The following KIAA2012 variants were observed in gnomAD, a reference collection of about 807,000 sequenced individuals.
The protein encoded by KIAA2012 is KIAA2012.
Under a neutral mutation model 150.6 loss-of-function variants are expected in KIAA2012, and 125 were observed. That is an observed-to-expected ratio of 0.83 (90% CI 0.72 to 0.96). The LOEUF (loss-of-function observed/expected upper bound fraction) is 0.96, where lower values mean the gene tolerates loss of function less well. KIAA2012 is among the 40% of genes least tolerant of loss of function. The probability of loss-of-function intolerance (pLI) is 0.00; values close to 1 mark genes in which losing one functional copy is unlikely to be tolerated. For missense variants in KIAA2012, 1,219 were observed against 1,354.9 expected, an observed-to-expected ratio of 0.90 and a Z score of 1.57; for synonymous variants, 462 against 504.7, an observed-to-expected ratio of 0.92 and a Z score of 1.13.
intron 2 of KIAA2012, 25 bp from the exon 3 acceptor site, chr2:202,090,745 T>C: frequency 6.5e-7 from 1 of 1,536,536 alleles, no homozygotes; most frequent in South Asian, 1.2e-5. Context: ...GCAGCTGTGC[T>C]GTTTCCTGAC....
At chr2:202,150,271 T>G (rs1691395439) in intron 13 of KIAA2012, among the ~76,000 whole-genome samples, 1 of 152,250 alleles carries the variant, frequency 6.6e-6, no homozygotes, top group African/African-American at 2.4e-5. Context: ...TTGTTTCATT[T>G]ACTAAAGAGA....
intron 2 of KIAA2012, among the ~76,000 whole-genome samples, chr2:202,089,888 T>A (rs76153525): frequency 0.013 from 2,052 of 152,316 alleles, 23 homozygotes; most frequent in Non-Finnish European, 0.019. Context: ...CAAATGAACA[T>A]CTAAATATTC....
chr2:202,109,716 G>A lies in KIAA2012; in HGVS notation c.1578G>A (p.Arg526=), dbSNP rs1406864526. The change falls in exon 10 of 24, where the codon AGG becomes AGA. Residue 526 remains arginine, a synonymous_variant. Transcript: ENST00000498697. ...GCCAGAAGGGCGTGGACAGCCCTAG[G>A]ACATCAGACCACAACAGCCCCCCAA... The part of the protein sequence containing the change: ...PESQKGVDSP[R]TSDHNSPPSL... 2 of 1,550,442 alleles carry A rather than the reference G, an allele frequency of 1.3e-6. No individual in the cohort carries two copies. The highest frequency in any genetic ancestry group is 8.7e-7 in the Non-Finnish European group (1 of 1,146,974).
At chr2:202,202,081 C>T (rs1466896764) in intron 22 of KIAA2012, among the ~76,000 whole-genome samples, 1 of 152,198 alleles carries the variant, frequency 6.6e-6, no homozygotes, top group Non-Finnish European at 1.5e-5. Context: ...TGATCTCAAA[C>T]ACCTGGCCTA....
chr2:202,106,006 T>C lies in KIAA2012; in HGVS notation c.1474+96T>C, dbSNP rs959914271. 1.0e-5 allele frequency: 16 copies of C among 1,547,184 alleles called. No homozygotes were observed. In the Admixed American group the frequency reaches 3.1e-4, roughly 30 times the overall value. The stretch of plus-strand genomic sequence containing the variant: ...GGTCCACAGCCAAGGAAAAGGAGTC[T>C]GGAAGGGAGGTTAGTTCACCAGCAG... On this transcript the variant is annotated intron_variant, in intron 9 of 23. Transcript: ENST00000498697.
intron 2 of KIAA2012, 126 bp from the exon 3 acceptor site, chr2:202,090,644 T>C (rs928493917): frequency 2.6e-4 from 283 of 1,092,102 alleles, no homozygotes; most frequent in Non-Finnish European, 2.9e-4. Flanking sequence ...GGCATCTGTT[T>C]TTGGTGCCTT....
intron 2 of KIAA2012, among the ~76,000 whole-genome samples, chr2:202,079,581 T>C (rs1018383246): frequency 2.0e-5 from 3 of 152,182 alleles, no homozygotes; most frequent in African/African-American, 7.2e-5. Context: ...AGTTTATAGC[T>C]CAGCATACAT....
chr2:202,082,575 G>A lies in KIAA2012; in HGVS notation c.369+7400G>A, dbSNP rs142832521. On this transcript the variant is annotated intron_variant, in intron 2 of 23. Transcript: ENST00000498697. ...CGTGCCACTGTACTCCAGCGTGGGT[G>A]ACAGGGCGAGAGTCTGTCTTTAAAA... Among the ~76,000 whole-genome samples, 11 of 146,124 alleles carry A rather than the reference G, an allele frequency of 7.5e-5. No homozygotes were observed. In the East Asian group the frequency reaches 2.2e-3, roughly 29 times the overall value.
chr2:202,076,952 C>T (rs541389878), intron 2 of KIAA2012: 142 of 456,584 alleles, frequency 3.1e-4, no homozygotes, highest in African/African-American at 2.2e-3. Flanking sequence ...CAATGGGAGA[C>T]GCTGGAAAGA....
intron 22 of KIAA2012, among the ~76,000 whole-genome samples, chr2:202,198,654 G>A (rs925796331): frequency 3.3e-5 from 5 of 152,174 alleles, no homozygotes; most frequent in Non-Finnish European, 7.3e-5. Flanking sequence ...GCTACATCAT[G>A]AACTTCCCTT....
chr2:202,099,714 C>A lies in KIAA2012; in HGVS notation c.930C>A (p.Ile310=), dbSNP rs937362347. Residue 310 remains isoleucine, a synonymous_variant, in exon 6 of 24, where the codon ATC becomes ATA. Transcript: ENST00000498697. ...GGAAGGCCTTTGGGCATGGCCGCATCGATCACTCTTGGCTCCCAAGTGACA... is the reference window on the plus strand; with the variant it reads ...GGAAGGCCTTTGGGCATGGCCGCATAGATCACTCTTGGCTCCCAAGTGACA... ...TSRKAFGHGR[I]DHSWLPSDKS... is the part of the protein sequence containing the mutation. 2 of 1,550,616 alleles carry A rather than the reference C, an allele frequency of 1.3e-6. No individual in the cohort carries two copies. Among genetic ancestry groups the A allele is most frequent in the East Asian group, 2.4e-5 (1 of 40,916 alleles).
chr2:202,107,283 G>A (rs1191371154), intron 9 of KIAA2012, among the ~76,000 whole-genome samples: 1 of 151,990 alleles, frequency 6.6e-6, no homozygotes, highest in East Asian at 1.9e-4. Flanking sequence ...AATGAACCTA[G>A]GTCAGGACGT....
At chr2:202,190,148 C>T in intron 18 of KIAA2012, 26 bp from the exon 19 acceptor site, 4 of 1,487,752 alleles carry the variant, frequency 2.7e-6, no homozygotes, top group Non-Finnish European at 3.6e-6. Flanking sequence ...TCAGCTATAT[C>T]TCTATCCCCA....
chr2:202,082,741 A>G (rs1689479785), intron 2 of KIAA2012, among the ~76,000 whole-genome samples: 1 of 152,064 alleles, frequency 6.6e-6, no homozygotes, highest in Admixed American at 6.6e-5. Flanking sequence ...TGTAAACTCT[A>G]GGGGAAAACT....
intron 2 of KIAA2012, among the ~76,000 whole-genome samples, chr2:202,087,620 C>T (rs556256770): frequency 4.3e-4 from 65 of 151,942 alleles, no homozygotes; most frequent in African/African-American, 1.3e-3. Flanking sequence ...TCATGCTTGC[C>T]CAGCTGCTTG....
intron 2 of KIAA2012, among the ~76,000 whole-genome samples, chr2:202,079,293 T>C (rs1331282802): frequency 3.9e-5 from 6 of 152,002 alleles, no homozygotes; most frequent in Admixed American, 3.9e-4. Flanking sequence ...TTAGGGTGAG[T>C]ATTTCTTTGT....
chr2:202,130,089 TA>T (rs960469890), intron 12 of KIAA2012, among the ~76,000 whole-genome samples: 6 of 151,868 alleles, frequency 4.0e-5, no homozygotes, highest in African/African-American at 7.3e-5. Context: ...TTAATGGCCC[TA>T]AAAAAAAGCT....
intron 13 of KIAA2012, among the ~76,000 whole-genome samples, chr2:202,147,759 C>G (rs1433371077): frequency 6.6e-6 from 1 of 152,116 alleles, no homozygotes; most frequent in Non-Finnish European, 1.5e-5. Context: ...AAAGTCCCAC[C>G]AGACCCAACA....
intron 2 of KIAA2012, among the ~76,000 whole-genome samples, chr2:202,082,585 G>C (rs1689475560): frequency 7.9e-6 from 1 of 125,852 alleles, no homozygotes; most frequent in Admixed American, 8.8e-5. Context: ...GACAGGGCGA[G>C]AGTCTGTCTT....
Sources: allele counts gnomAD v4.1 joint callset (sites outside exome capture counted in the v4.1 genomes callset), GRCh38; gene constraint gnomAD v4.1.1; transcripts MANE v1.5; gene names NCBI Gene and HGNC (gene_info 2026-07-23, HGNC 2026-07-21).